The following ADAM32 variants were observed in gnomAD, a reference collection of about 807,000 sequenced individuals.
ADAM32 encodes the protein disintegrin and metalloproteinase domain-containing protein 32.
ADAM32 carries 89 observed loss-of-function variants against 114.9 expected under a neutral mutation model. The observed-to-expected ratio is 0.77, with a 90% confidence interval of 0.65 to 0.92. The LOEUF is 0.92. Among genes scored for constraint, ADAM32 ranks in the 40% least tolerant of loss-of-function variants. ADAM32 has a pLI of 0.00. For synonymous variants in ADAM32, 285 were observed against 307.5 expected (o/e 0.93, Z 0.77); for missense variants, 870 against 932.8 (o/e 0.93, Z 0.88).
intron 16 of ADAM32, among the ~76,000 whole-genome samples, chr8:39,239,162 TG>T (rs1040242133): frequency 3.9e-5 from 6 of 152,150 alleles, no homozygotes; most frequent in African/African-American, 1.4e-4. Flanking sequence ...GCTTAAGAGC[TG>T]GGGGCAAAAG....
chr8:39,185,894 T>TA (rs1806205757), intron 10 of ADAM32, among the ~76,000 whole-genome samples: 1 of 151,894 alleles, frequency 6.6e-6, no homozygotes, highest in African/African-American at 2.4e-5. Flanking sequence ...TTTTTTTTTT[T>TA]AAATGCAGGG....
At chr8:39,113,613 A>G (rs1275296972) in intron 1 of ADAM32, among the ~76,000 whole-genome samples, 1 of 152,128 alleles carries the variant, frequency 6.6e-6, no homozygotes, top group African/African-American at 2.4e-5. Context: ...GGACCCCAAG[A>G]AACTTTGGGG....
chr8:39,243,681 T>C (rs185280726), intron 16 of ADAM32, among the ~76,000 whole-genome samples: 1 of 152,200 alleles, frequency 6.6e-6, no homozygotes, highest in Non-Finnish European at 1.5e-5. Context: ...TTGTACTGAA[T>C]AGGGAAAAGT....
At chr8:39,211,419 A>C (rs1808210481) in intron 12 of ADAM32, 95 bp downstream of exon 12, 1 of 1,195,292 alleles carries the variant, frequency 8.4e-7, no homozygotes, top group Non-Finnish European at 1.1e-6. Flanking sequence ...AATGAGTACC[A>C]TGCAGAATGT....
chr8:39,125,341 C>T (rs766442169), intron 2 of ADAM32, among the ~76,000 whole-genome samples: 1 of 151,964 alleles, frequency 6.6e-6, no homozygotes, highest in Non-Finnish European at 1.5e-5. Context: ...CTGGTTTCTC[C>T]TTGTTGGCAT....
intron 11 of ADAM32, among the ~76,000 whole-genome samples, chr8:39,191,597 G>A (rs1048486688): frequency 6.4e-5 from 9 of 140,872 alleles, no homozygotes; most frequent in African/African-American, 2.0e-4. Context: ...TTTTAATAGG[G>A]TTGTTTTTTT....
chr8:39,199,468 A>G (rs1807230003), intron 11 of ADAM32, among the ~76,000 whole-genome samples: 1 of 152,124 alleles, frequency 6.6e-6, no homozygotes, highest in African/African-American at 2.4e-5. Flanking sequence ...CTTCTGATTA[A>G]TCTGGTCTAC....
At chr8:39,226,741 A>G (rs1312945385) in intron 14 of ADAM32, among the ~76,000 whole-genome samples, 2 of 152,204 alleles carry the variant, frequency 1.3e-5, no homozygotes, top group Admixed American at 1.3e-4. Context: ...GTTCATTGCC[A>G]CTCAATCTAT....
At chr8:39,214,321 C>T (rs903705414) in intron 12 of ADAM32, among the ~76,000 whole-genome samples, 2 of 152,098 alleles carry the variant, frequency 1.3e-5, no homozygotes, top group Non-Finnish European at 2.9e-5. Flanking sequence ...ACAAGTATTC[C>T]CTTTTCTCCA....
At chr8:39,168,835 T>C (rs1805016675) in intron 9 of ADAM32, 1 of 152,120 alleles carries the variant, frequency 6.6e-6, no homozygotes, top group Non-Finnish European at 1.5e-5. Context: ...TCAAAAGGTG[T>C]CAGTATGAGG....
In ADAM32 at chr8:39,243,476, T is replaced by C. The variant is rs143113050; in HGVS notation, c.1819-2607T>C. The stretch of plus-strand genomic sequence containing the variant: ...TCATACCAGAGATGCAAGTTTAGCA[T>C]ATACAACTAAATAAATGTAATACAA... On this transcript the variant is annotated intron_variant, in intron 16 of 24. Coordinates refer to ENST00000379907, the MANE Select transcript of ADAM32 (RefSeq NM_145004.7). 1.8e-3 allele frequency among the ~76,000 whole-genome samples: 267 copies of C among 152,326 alleles called. 1 individual carries two copies. The highest frequency in any genetic ancestry group is 6.2e-3 in the African/African-American group (258 of 41,578).
intron 11 of ADAM32, among the ~76,000 whole-genome samples, chr8:39,206,777 G>A (rs964929966): frequency 1.4e-4 from 22 of 152,146 alleles, no homozygotes; most frequent in Admixed American, 1.2e-3. Context: ...GTGGATGTGG[G>A]GGTATGTCAA....
chr8:39,171,368 G>A (rs942559689), intron 10 of ADAM32, among the ~76,000 whole-genome samples: 1 of 152,124 alleles, frequency 6.6e-6, no homozygotes. Flanking sequence ...TATGTTTGAG[G>A]TTATGGATAG....
chr8:39,277,550 C>T (rs938249435), intron 22 of ADAM32, among the ~76,000 whole-genome samples: 1 of 152,218 alleles, frequency 6.6e-6, no homozygotes, highest in Non-Finnish European at 1.5e-5. Context: ...GCCTCGTTTA[C>T]TCAGCCTCCT....
At chr8:39,184,920 C>T (rs910062940) in intron 10 of ADAM32, among the ~76,000 whole-genome samples, 6 of 152,170 alleles carry the variant, frequency 3.9e-5, no homozygotes, top group Admixed American at 1.3e-4. Context: ...TTGCACCCAC[C>T]TTGTCTCAGT....
chr8:39,213,678 C>A (rs1808375500), intron 12 of ADAM32, among the ~76,000 whole-genome samples: 1 of 152,106 alleles, frequency 6.6e-6, no homozygotes, highest in Non-Finnish European at 1.5e-5. Flanking sequence ...TACAAACAAT[C>A]CAATTATACT....
At chr8:39,113,755 A>T (rs1840262349) in intron 1 of ADAM32, among the ~76,000 whole-genome samples, 1 of 152,216 alleles carries the variant, frequency 6.6e-6, no homozygotes, top group Admixed American at 6.5e-5. Context: ...CACATCATGC[A>T]ACTTGACCAG....
At chr8:39,219,246 C>A (rs1808787684) in intron 12 of ADAM32, among the ~76,000 whole-genome samples, 1 of 152,132 alleles carries the variant, frequency 6.6e-6, no homozygotes, top group African/African-American at 2.4e-5. Flanking sequence ...CACAAGTGTT[C>A]TCTTAGCTTC....
chr8:39,261,883 T>C (rs1348429315), intron 19 of ADAM32, among the ~76,000 whole-genome samples: 1 of 152,172 alleles, frequency 6.6e-6, no homozygotes, highest in East Asian at 1.9e-4. Context: ...TATCTGCCCA[T>C]TTTTAAATCT....
Sources: allele counts gnomAD v4.1 joint callset (sites outside exome capture counted in the v4.1 genomes callset), GRCh38; gene constraint gnomAD v4.1.1; transcripts MANE v1.5; gene names NCBI Gene and HGNC (gene_info 2026-07-23, HGNC 2026-07-21).